Variants in FLI1 observed in about 807,000 individuals in gnomAD.
FLI1 encodes Friend leukemia integration 1 transcription factor.
In FLI1, 13 loss-of-function variants were observed where a neutral mutation model predicts 53.1. The observed-to-expected ratio is 0.24, with a 90% CI of 0.16 to 0.39. FLI1 has a LOEUF of 0.39. Among genes scored for constraint, FLI1 ranks in the 10% least tolerant of loss-of-function variants. The pLI is 1.00. For synonymous variants in FLI1, 244 were observed against 236.7 expected, an observed-to-expected ratio of 1.03 and a Z score of -0.28; for missense variants, 424 against 600.5, an observed-to-expected ratio of 0.71 and a Z score of 3.07.
intron 5 of FLI1, among the ~76,000 whole-genome samples, chr11:128,784,827 C>A (rs2135871000): frequency 6.6e-6 from 1 of 152,294 alleles, no homozygotes; most frequent in South Asian, 2.1e-4. Flanking sequence ...CAGCCCCAAA[C>A]AAACCCAGAG....
intron 1 of FLI1, among the ~76,000 whole-genome samples, chr11:128,733,106 C>T (rs534203116): frequency 6.6e-6 from 1 of 152,286 alleles, no homozygotes; most frequent in Non-Finnish European, 1.5e-5. Flanking sequence ...AATGGAGATC[C>T]TGAAGCTCCA....
At chr11:128,803,331 G>A (rs1399542742) in intron 5 of FLI1, among the ~76,000 whole-genome samples, 1 of 152,134 alleles carries the variant, frequency 6.6e-6, no homozygotes, top group Admixed American at 6.5e-5. Flanking sequence ...AGGTCCCAGA[G>A]TTTGCTGAGC....
At chr11:128,739,403 G>A (rs1037754314) in intron 1 of FLI1, among the ~76,000 whole-genome samples, 3 of 152,134 alleles carry the variant, frequency 2.0e-5, no homozygotes, top group Admixed American at 6.5e-5. Flanking sequence ...CACTCCTTAC[G>A]CTCCTGCTGC....
intron 1 of FLI1, among the ~76,000 whole-genome samples, chr11:128,698,711 CGT>C (rs10557859): frequency 0.19 from 26,955 of 144,390 alleles, 2,508 homozygotes; most frequent in Middle Eastern, 0.22. Flanking sequence ...TATGTGTTTG[CGT>C]GTGTGTGTGT....
intron 5 of FLI1, among the ~76,000 whole-genome samples, chr11:128,802,312 C>T (rs1797321093): frequency 6.6e-6 from 1 of 152,202 alleles, no homozygotes; most frequent in Non-Finnish European, 1.5e-5. Context: ...CCAGAGCCTA[C>T]GGAGTGCTTT....
chr11:128,694,361 C>G (rs868682780), intron 1 of FLI1, 85 bp downstream of exon 1: 1 of 1,093,340 alleles, frequency 9.1e-7, no homozygotes, highest in Non-Finnish European at 1.2e-6. Flanking sequence ...GCCCGCGTCC[C>G]GGAAGACGTG....
intron 1 of FLI1, among the ~76,000 whole-genome samples, chr11:128,719,356 CGTGTGTGTGTGTGT>C (rs56336914): frequency 2.6e-3 from 378 of 145,094 alleles, no homozygotes; most frequent in Middle Eastern, 0.021. Flanking sequence ...CCCCTTTTCC[CGTGTGTGTGTGTGT>C]GTGTGTGTGT....
At chr11:128,781,503 TAGA>T (rs1195064139) in intron 4 of FLI1, among the ~76,000 whole-genome samples, 1 of 152,222 alleles carries the variant, frequency 6.6e-6, no homozygotes, top group Non-Finnish European at 1.5e-5. Context: ...CTCCTTTTGA[TAGA>T]AGAAATCTGC....
At position 128,726,645 on chromosome 11, in the gene FLI1, T is replaced by C. The variant is rs150835372; in HGVS notation, c.19-31470T>C. Among the ~76,000 whole-genome samples, 5 of 151,488 alleles carry C rather than the reference T, an allele frequency of 3.3e-5. No individual in the cohort carries two copies. In the East Asian group the frequency reaches 5.9e-4, roughly 18 times the overall value. On this transcript the variant is annotated intron_variant, in intron 1 of 8. Transcript: ENST00000527786. Reference sequence around the variant, plus strand: ...TAGTTGGGCGGTGCCCTCTTTTGTATAGGAAAGGCAGGCCATCCATAGGCC... The same window carrying C: ...TAGTTGGGCGGTGCCCTCTTTTGTACAGGAAAGGCAGGCCATCCATAGGCC...
chr11:128,738,700 C>CA (rs1463068710), intron 1 of FLI1, among the ~76,000 whole-genome samples: 1 of 152,210 alleles, frequency 6.6e-6, no homozygotes, highest in African/African-American at 2.4e-5. Context: ...CCATGAGGGC[C>CA]AGACAATGCA....
chr11:128,722,348 G>A (rs745443186), intron 1 of FLI1, among the ~76,000 whole-genome samples: 1 of 152,194 alleles, frequency 6.6e-6, no homozygotes, highest in Non-Finnish European at 1.5e-5. Flanking sequence ...GGAGAAGGGA[G>A]AAGGGCAGGA....
intron 3 of FLI1, 194 bp downstream of exon 3, chr11:128,768,466 G>C (rs767487292): frequency 1.6e-6 from 1 of 612,494 alleles, no homozygotes; most frequent in East Asian, 2.9e-5. Context: ...TGAATCACTT[G>C]TCAGGAGTTC....
At chr11:128,739,500 A>C (rs60816627) in intron 1 of FLI1, among the ~76,000 whole-genome samples, 10,558 of 151,204 alleles carry the variant, frequency 0.07, 1,191 homozygotes, top group African/African-American at 0.24. Context: ...ATTTTAATTC[A>C]CTTCATCTGC....
intron 8 of FLI1, 87 bp downstream of exon 8, chr11:128,809,291 C>A: frequency 1.8e-6 from 2 of 1,123,696 alleles, no homozygotes; most frequent in Non-Finnish European, 2.7e-6. Context: ...TAAGTCCAGA[C>A]ACCTGAGTGG....
chr11:128,812,591 T>G lies in FLI1; in HGVS notation c.*1603T>G, dbSNP rs111491175. The G allele has an allele frequency of 2.7e-4, 60 of 223,804 alleles. 1 individual carries two copies. The highest frequency in any genetic ancestry group is 1.3e-3 in the African/African-American group (59 of 44,998). 13.9% of individuals were successfully genotyped at this position (223,804 alleles called of 1,614,324 possible). On this transcript the variant is annotated 3_prime_UTR_variant, in exon 9 of 9. Transcript: ENST00000527786. The stretch of plus-strand genomic sequence containing the variant: ...ATTGTTGTTGATGATGTTTGTAGTG[T>G]TTTTGTGTGTGTTATTTAAATCTTC...
intron 5 of FLI1, among the ~76,000 whole-genome samples, chr11:128,788,075 C>A (rs978278624): frequency 5.3e-5 from 8 of 151,694 alleles, no homozygotes; most frequent in African/African-American, 1.9e-4. Context: ...CTCCTAATTA[C>A]AGTATCCCGC....
At chr11:128,801,649 T>C (rs929839023) in intron 5 of FLI1, among the ~76,000 whole-genome samples, 1 of 152,218 alleles carries the variant, frequency 6.6e-6, no homozygotes, top group Non-Finnish European at 1.5e-5. Context: ...GGAGGCTTAA[T>C]TTCGTGAAGA....
intron 1 of FLI1, among the ~76,000 whole-genome samples, chr11:128,737,486 G>A (rs1206725301): frequency 6.6e-6 from 1 of 152,194 alleles, no homozygotes; most frequent in East Asian, 1.9e-4. Flanking sequence ...TGTCAAGAAT[G>A]TAGTCCAGCT....
At chr11:128,739,610 G>T (rs2510121) in intron 1 of FLI1, among the ~76,000 whole-genome samples, 1 of 152,032 alleles carries the variant, frequency 6.6e-6, no homozygotes, top group Non-Finnish European at 1.5e-5. Flanking sequence ...GGGAGGCAGT[G>T]GTGTGGGCAG....
Sources: allele counts gnomAD v4.1 joint callset (sites outside exome capture counted in the v4.1 genomes callset), GRCh38; gene constraint gnomAD v4.1.1; transcripts MANE v1.5; gene names NCBI Gene and HGNC (gene_info 2026-07-23, HGNC 2026-07-21).